Variants in NNMT observed in about 807,000 individuals in gnomAD.
NNMT encodes nicotinamide N-methyltransferase.
In NNMT, 10 loss-of-function variants were observed where a neutral mutation model predicts 11.7. The observed-to-expected ratio is 0.85, with a 90% CI of 0.53 to 1.45. NNMT has a LOEUF of 1.45. Among genes scored for constraint, NNMT ranks in the 40% most tolerant of loss-of-function variants. The pLI is 0.00. For synonymous variants in NNMT, 143 were observed against 133.8 expected (o/e 1.07, Z -0.48); for missense variants, 381 against 319.4 (o/e 1.19, Z -1.47).
rs1250187747 is a variant in NNMT at position 114,264,682 on chromosome 11, G to T, written c.-130+1748G>T. Among the ~76,000 whole-genome samples the T allele has an allele frequency of 7.2e-5, 11 of 152,346 alleles. No homozygotes were observed. In the East Asian group the frequency reaches 1.9e-3, roughly 27 times the overall value. On this transcript the variant is annotated intron_variant, in intron 2 of 4. Coordinates refer to the NNMT transcript ENST00000535401. ...CTTCCAATGCCAATCACAAGCTCCA[G>T]GTTGTTTGATCCGTGCTTCTGATGA...
rs547498890 is a variant in NNMT, at chr11:114,272,818, A to G, written c.-130+9884A>G. 3.9e-5 allele frequency among the ~76,000 whole-genome samples: 6 copies of G among 152,338 alleles called. No homozygotes were observed. In the East Asian group the frequency reaches 1.2e-3, roughly 29 times the overall value. ...TAACGGGTATCTTTTCATGATTAACAGGAGAAAAAATAACATAACCCACTA... is the reference window on the plus strand; with the variant it reads ...TAACGGGTATCTTTTCATGATTAACGGGAGAAAAAATAACATAACCCACTA... On this transcript the variant is annotated intron_variant, in intron 2 of 4. Coordinates refer to the NNMT transcript ENST00000535401.
chr11:114,307,131 T>G (rs1941399), intron 2 of NNMT, among the ~76,000 whole-genome samples: 98,390 of 152,004 alleles, frequency 0.65, 34,312 homozygotes, highest in East Asian at 0.81. Flanking sequence ...CCACCTTATC[T>G]CCCCAGGAAA....
chr11:114,258,715 C>A (rs1173965109), intron 1 of NNMT, among the ~76,000 whole-genome samples: 1 of 152,230 alleles, frequency 6.6e-6, no homozygotes, highest in Non-Finnish European at 1.5e-5. Flanking sequence ...AATTCAAACT[C>A]CTTAACAAAG....
chr11:114,259,297 C>G (rs1035807078), intron 1 of NNMT, among the ~76,000 whole-genome samples: 5 of 152,104 alleles, frequency 3.3e-5, no homozygotes, highest in African/African-American at 9.6e-5. Context: ...ACATCACATG[C>G]CCGCTCGGGC....
Position 114,271,843 on chromosome 11 carries a change from A to G in NNMT, c.-130+8909A>G, listed in dbSNP as rs527375362. 6.6e-5 allele frequency among the ~76,000 whole-genome samples: 10 copies of G among 152,236 alleles called. No individual in the cohort carries two copies. In the East Asian group the frequency reaches 1.9e-3, roughly 29 times the overall value. On this transcript the variant is annotated intron_variant, in intron 2 of 4. Coordinates refer to the NNMT transcript ENST00000535401. ...GATTTTGTTTAAAAATTAATTAGGT[A>G]TGCTACTTAAAAACCCACCGTAGAA...
At chr11:114,269,900 T>G (rs959426790) in intron 2 of NNMT, among the ~76,000 whole-genome samples, 13 of 152,202 alleles carry the variant, frequency 8.5e-5, no homozygotes, top group Non-Finnish European at 1.5e-4. Flanking sequence ...TTAATTATCT[T>G]CTGTTATTAA....
At chr11:114,262,400 A>G (rs1026302972) in intron 1 of NNMT, among the ~76,000 whole-genome samples, 8 of 151,576 alleles carry the variant, frequency 5.3e-5, no homozygotes, top group African/African-American at 7.3e-5. Context: ...GTTCCCCTCC[A>G]CGTGTCCATG....
At chr11:114,279,061 G>C (rs1945238500) in intron 2 of NNMT, among the ~76,000 whole-genome samples, 1 of 152,126 alleles carries the variant, frequency 6.6e-6, no homozygotes, top group Non-Finnish European at 1.5e-5. Context: ...TTCTTCTAAG[G>C]ACCTGGTGTT....
chr11:114,294,066 T>G (rs1945353061), upstream of NNMT, among the ~76,000 whole-genome samples: 1 of 152,128 alleles, frequency 6.6e-6, no homozygotes, highest in Non-Finnish European at 1.5e-5. Context: ...TCTCACTTAT[T>G]TATGGGAGCT....
chr11:114,287,852 G>A (rs117918091), intron 2 of NNMT, among the ~76,000 whole-genome samples: 2,973 of 152,224 alleles, frequency 0.02, 41 homozygotes, highest in Non-Finnish European at 0.031. Context: ...ACCATGTGGA[G>A]TCCCCCCATC....
intron 1 of NNMT, among the ~76,000 whole-genome samples, chr11:114,258,824 G>A (rs1014807308): frequency 3.3e-5 from 5 of 152,148 alleles, no homozygotes; most frequent in East Asian, 1.9e-4. Flanking sequence ...TGCTCCAGCC[G>A]ATGGGACCAC....
In NNMT at chr11:114,297,987, C is replaced by T. The variant is rs766274630; in HGVS notation, c.191C>T (p.Ser64Phe). 58 of 1,613,384 alleles carry T rather than the reference C, an allele frequency of 3.6e-5. No individual in the cohort carries two copies. The Admixed American group carries it at 9.0e-4, about 25-fold the overall frequency. ...VKGDLLIDIG[S>F]GPTIYQLLSA... The stretch of plus-strand genomic sequence containing the variant: ...GGAGACCTGCTGATTGACATCGGCT[C>T]TGGCCCCACTATCTATCAGCTCCTC... The change falls in exon 2 of 3, where the codon TCT becomes TTT. Residue 64 changes from serine (S) to phenylalanine (F), a missense_variant. Ser to Phe is a radical substitution (Grantham distance 155). Transcript: ENST00000299964.
chr11:114,268,546 G>A (rs111738247), intron 2 of NNMT, among the ~76,000 whole-genome samples: 9 of 152,166 alleles, frequency 5.9e-5, no homozygotes, highest in African/African-American at 1.9e-4. Context: ...CGAGGTGGGC[G>A]GATCACGAGG....
Position 114,312,520 on chromosome 11 carries a change from T to C in NNMT, c.*43T>C, listed in dbSNP as rs1449260156. 6.4e-7 allele frequency: 1 copy of C among 1,567,254 alleles called. No individual in the cohort carries two copies. The highest frequency in any genetic ancestry group is 8.7e-7 in the Non-Finnish European group (1 of 1,152,816). On this transcript the variant is annotated 3_prime_UTR_variant, in exon 3 of 3. Coordinates refer to ENST00000299964, the MANE Select transcript of NNMT (RefSeq NM_006169.3). ...AAAGCAATTCCTTTGACCTGTCCAGTTGACTTTAGTCCTTGTTTCTAACTG... is the reference window on the plus strand; with the variant it reads ...AAAGCAATTCCTTTGACCTGTCCAGCTGACTTTAGTCCTTGTTTCTAACTG...
At chr11:114,283,789 A>G (rs1385036983) in intron 2 of NNMT, among the ~76,000 whole-genome samples, 1 of 152,196 alleles carries the variant, frequency 6.6e-6, no homozygotes, top group South Asian at 2.1e-4. Context: ...CAAAAACTAA[A>G]CTAAACAAAA....
At chr11:114,267,989 C>T (rs1053937504) in intron 2 of NNMT, among the ~76,000 whole-genome samples, 1 of 152,238 alleles carries the variant, frequency 6.6e-6, no homozygotes, top group African/African-American at 2.4e-5. Flanking sequence ...TCTTAAGTTT[C>T]ATTTTCCCCA....
At chr11:114,288,417 A>AT (rs1945313345) in intron 2 of NNMT, among the ~76,000 whole-genome samples, 1 of 150,938 alleles carries the variant, frequency 6.6e-6, no homozygotes, top group African/African-American at 2.4e-5. Flanking sequence ...TTTGTTGTGA[A>AT]TGGATATAGA....
intron 2 of NNMT, among the ~76,000 whole-genome samples, chr11:114,309,714 C>T (rs1393246069): frequency 6.6e-6 from 1 of 152,184 alleles, no homozygotes; most frequent in Non-Finnish European, 1.5e-5. Context: ...ACCTTCATCA[C>T]AATCAATTTT....
At chr11:114,305,652 T>C (rs1236528612) in intron 2 of NNMT, among the ~76,000 whole-genome samples, 1 of 152,120 alleles carries the variant, frequency 6.6e-6, no homozygotes, top group African/African-American at 2.4e-5. Context: ...TCCAGCTTCA[T>C]CCATGTCCCT....
Sources: gnomAD v4.1 joint callset for allele counts (sites outside exome capture counted in the v4.1 genomes callset) on GRCh38, gnomAD v4.1.1 for gene constraint, MANE v1.5 for transcripts, NCBI Gene and HGNC (gene_info 2026-07-23, HGNC 2026-07-21) for gene names.